Variants in DPYS observed in about 807,000 individuals in gnomAD.
The protein encoded by DPYS is dihydropyrimidine amidohydrolase.
In DPYS, 39 loss-of-function variants were observed where a neutral mutation model predicts 50.3. That is an observed-to-expected ratio of 0.78 (90% CI 0.60 to 1.01). The LOEUF (loss-of-function observed/expected upper bound fraction) is 1.01. Ranked by LOEUF, DPYS falls within the 50% of genes least tolerant of loss-of-function variation. The pLI, the probability that DPYS is intolerant of heterozygous loss-of-function variation, is 0.00. For missense variants in DPYS, 659 were observed against 680.9 expected (o/e 0.97, Z 0.36); for synonymous variants, 245 against 250.7 (o/e 0.98, Z 0.22).
chr8:104,464,213 G>A (rs1416919809), intron 1 of DPYS, among the ~76,000 whole-genome samples: 1 of 152,176 alleles, frequency 6.6e-6, no homozygotes, highest in Non-Finnish European at 1.5e-5. Context: ...AATCCTTTGA[G>A]ATGTTGACAA....
intron 3 of DPYS, among the ~76,000 whole-genome samples, chr8:104,445,502 G>A (rs1449694478): frequency 6.6e-6 from 1 of 152,128 alleles, no homozygotes; most frequent in Non-Finnish European, 1.5e-5. Context: ...TATGCTAAAT[G>A]AAATAAGCCA....
In DPYS at chr8:104,466,964, G is replaced by C. The variant is rs1564120817; in HGVS notation, c.-44C>G. On this transcript the variant is annotated 5_prime_UTR_variant, in exon 1 of 10. Transcript: ENST00000351513. ...TCCTACTCGGCCCGGGCTGCGCGCAGGGGCTGGGTTGGGCGGGCCGGGCGG... is the reference window on the plus strand; with the variant it reads ...TCCTACTCGGCCCGGGCTGCGCGCACGGGCTGGGTTGGGCGGGCCGGGCGG... 7.3e-7 allele frequency: 1 copy of C among 1,378,424 alleles called. No homozygotes were observed. Among genetic ancestry groups the C allele is most frequent in the Non-Finnish European group, 9.3e-7 (1 of 1,072,070 alleles). 85.4% of individuals were successfully genotyped at this position (1,378,424 alleles called of 1,614,324 possible).
chr8:104,448,886 C>T (rs2140725409), intron 2 of DPYS, among the ~76,000 whole-genome samples: 1 of 152,238 alleles, frequency 6.6e-6, no homozygotes, highest in East Asian at 1.9e-4. Context: ...CTTGATGGTG[C>T]TTATCACCCG....
intron 6 of DPYS, among the ~76,000 whole-genome samples, chr8:104,427,517 G>A (rs1304762135): frequency 6.6e-6 from 1 of 151,910 alleles, no homozygotes; most frequent in Non-Finnish European, 1.5e-5. Context: ...GACCTCAAGT[G>A]ATCCACCTGC....
intron 4 of DPYS, among the ~76,000 whole-genome samples, chr8:104,440,833 A>G (rs1237443609): frequency 6.6e-6 from 1 of 152,192 alleles, no homozygotes; most frequent in Non-Finnish European, 1.5e-5. Context: ...AGATTTTCAT[A>G]GTATAAATGT....
chr8:104,438,679 T>C (rs1046489833), intron 4 of DPYS, among the ~76,000 whole-genome samples: 2 of 152,126 alleles, frequency 1.3e-5, no homozygotes, highest in Admixed American at 6.5e-5. Context: ...GAAGACCTAA[T>C]TAGAGTTACA....
intron 2 of DPYS, among the ~76,000 whole-genome samples, chr8:104,450,207 G>C (rs1429584591): frequency 6.6e-6 from 1 of 151,214 alleles, no homozygotes; most frequent in Non-Finnish European, 1.5e-5. Context: ...GGAGGGAAGG[G>C]AAGAAAAGGA....
chr8:104,437,824 C>G (rs940385955), intron 4 of DPYS, among the ~76,000 whole-genome samples: 1 of 152,100 alleles, frequency 6.6e-6, no homozygotes, highest in African/African-American at 2.4e-5. Flanking sequence ...CAGTAATAGT[C>G]TCAATGAAAT....
At position 104,466,981 on chromosome 8, in the gene DPYS, G is replaced by GC; in HGVS notation, c.-62dup. The GC allele has an allele frequency of 3.1e-5, 36 of 1,165,154 alleles. No individual in the cohort carries two copies. The highest frequency in any genetic ancestry group is 3.1e-4 in the Middle Eastern group (1 of 3,260). 72.2% of individuals were successfully genotyped at this position (1,165,154 alleles called of 1,614,324 possible). A position where few individuals can be genotyped will look rare whatever the true frequency, so the allele number is the denominator to read the frequency against. On this transcript the variant is annotated 5_prime_UTR_variant, in exon 1 of 10. Coordinates refer to ENST00000351513, the MANE Select transcript of DPYS (RefSeq NM_001385.3). ...TGCGCGCAGGGGCTGGGTTGGGCGG[G>GC]CCGGGCGGGCTTGGGGTGCCCTCCT...
intron 7 of DPYS, among the ~76,000 whole-genome samples, chr8:104,422,559 C>T (rs559882310): frequency 2.0e-5 from 3 of 152,004 alleles, no homozygotes; most frequent in Non-Finnish European, 4.4e-5. Context: ...TTTAAGGCAC[C>T]AAAACATTTT....
intron 7 of DPYS, among the ~76,000 whole-genome samples, chr8:104,413,839 T>A (rs1812275445): frequency 6.6e-6 from 1 of 152,200 alleles, no homozygotes; most frequent in Admixed American, 6.5e-5. Context: ...GGCAGGAACA[T>A]GTCTAGTTCT....
At chr8:104,385,611 T>C (rs1008938726) in intron 8 of DPYS, among the ~76,000 whole-genome samples, 3 of 152,340 alleles carry the variant, frequency 2.0e-5, no homozygotes, top group Middle Eastern at 6.8e-3. Flanking sequence ...GTTTGAATGT[T>C]TGTCCCCTCT....
At chr8:104,409,776 A>T (rs1195800135) in intron 7 of DPYS, among the ~76,000 whole-genome samples, 5 of 152,210 alleles carry the variant, frequency 3.3e-5, no homozygotes, top group Non-Finnish European at 2.9e-5. Context: ...AACTCTTCTC[A>T]ACAAGCCCCA....
chr8:104,424,230 C>T lies in DPYS; in HGVS notation c.1235+17G>A, dbSNP rs1000896221. On this transcript the variant is annotated intron_variant, in intron 7 of 9. Transcript: ENST00000351513. ...TTCTCCACAATGAAGCCAAGGAATA[C>T]AAGAACTTAGACTTACCTTGTGCCT... is the stretch of plus-strand genomic sequence containing the variant. The T allele has an allele frequency of 1.2e-6, 2 of 1,613,942 alleles. No individual in the cohort carries two copies. The highest frequency in any genetic ancestry group is 1.7e-6 in the Non-Finnish European group (2 of 1,179,976).
chr8:104,424,021 C>T, intron 7 of DPYS: 1 of 985,410 alleles, frequency 1.0e-6, no homozygotes, highest in Non-Finnish European at 1.2e-6. Context: ...ATATACAGAT[C>T]CATTGTCAGA....
chr8:104,456,128 GT>G (rs562475983), intron 1 of DPYS, among the ~76,000 whole-genome samples: 70 of 152,032 alleles, frequency 4.6e-4, no homozygotes, highest in Non-Finnish European at 9.3e-4. Context: ...TACTGAACAG[GT>G]TTGTAGCCGA....
intron 4 of DPYS, among the ~76,000 whole-genome samples, chr8:104,430,674 G>A (rs1268881760): frequency 6.6e-6 from 1 of 152,282 alleles, no homozygotes; most frequent in Admixed American, 6.5e-5. Flanking sequence ...TTGGAACACA[G>A]CACCCTATTA....
chr8:104,443,293 A>AT (rs1383009752), intron 4 of DPYS, among the ~76,000 whole-genome samples: 6 of 152,242 alleles, frequency 3.9e-5, no homozygotes, highest in South Asian at 2.1e-4. Context: ...AAAATAGGAG[A>AT]TTTTCTCTTT....
intron 8 of DPYS, chr8:104,381,533 C>G: frequency 2.0e-6 from 1 of 496,240 alleles, no homozygotes; most frequent in Non-Finnish European, 3.7e-6. Context: ...GACAGAGGCC[C>G]AGGGACACTC....
Sources: gnomAD v4.1 joint callset for allele counts (sites outside exome capture counted in the v4.1 genomes callset) on GRCh38, gnomAD v4.1.1 for gene constraint, MANE v1.5 for transcripts, NCBI Gene and HGNC (gene_info 2026-07-23, HGNC 2026-07-21) for gene names.